The following GPHN variants were observed in gnomAD, a reference collection of about 807,000 sequenced individuals.
The protein encoded by GPHN is gephyrin.
GPHN carries 17 observed loss-of-function variants against 95.5 expected under a neutral mutation model. That is an observed-to-expected ratio of 0.18 (90% CI 0.12 to 0.27). The LOEUF is 0.27. Among genes scored for constraint, GPHN ranks in the 10% least tolerant of loss-of-function variants. The pLI is 1.00. For missense variants in GPHN, 660 were observed against 978.1 expected (o/e 0.67, Z 4.34); for synonymous variants, 320 against 322.5 (o/e 0.99, Z 0.08).
chr14:67,501,478 C>T, the GPHN span, among the ~76,000 whole-genome samples: 1 of 152,196 alleles, frequency 6.6e-6, no homozygotes, highest in Admixed American at 6.5e-5. Context: ...GATCCTCCCA[C>T]ATCAGCCTCC....
the GPHN span, chr14:67,674,786 C>T: frequency 1.1e-5 from 3 of 276,258 alleles, no homozygotes; most frequent in Non-Finnish European, 2.0e-5. Flanking sequence ...GTCGCGGAAC[C>T]CGAGAAGTGC....
chr14:67,648,533 T>G, the GPHN span: 3 of 169,692 alleles, frequency 1.8e-5, no homozygotes, highest in East Asian at 5.0e-4. Context: ...GGCTGTAATT[T>G]GCACTCTAAG....
intron 9 of GPHN, among the ~76,000 whole-genome samples, chr14:67,022,663 A>C (rs1388900219): frequency 7.3e-6 from 1 of 136,910 alleles, no homozygotes; most frequent in African/African-American, 2.8e-5. Flanking sequence ...AAACATTAAC[A>C]ATTGTTTTTT....
At chr14:66,545,987 G>A (rs191685590) in intron 1 of GPHN, among the ~76,000 whole-genome samples, 1,978 of 151,020 alleles carry the variant, frequency 0.013, 22 homozygotes, top group Non-Finnish European at 0.02. Context: ...GGCGGCTTCG[G>A]GGGGGAGGGG....
intron 9 of GPHN, among the ~76,000 whole-genome samples, chr14:66,979,721 T>A (rs1438466064): frequency 2.0e-5 from 3 of 152,216 alleles, no homozygotes; most frequent in Non-Finnish European, 4.4e-5. Context: ...TTCCTTTGCA[T>A]TTACAACTCA....
chr14:67,008,372 C>G (rs2072748610), intron 9 of GPHN, among the ~76,000 whole-genome samples: 1 of 151,558 alleles, frequency 6.6e-6, no homozygotes, highest in African/African-American at 2.4e-5. Context: ...AGGAGAATTG[C>G]TTGAACCCGG....
At chr14:67,178,807 TAAC>T (rs957543380) in intron 21 of GPHN, among the ~76,000 whole-genome samples, 3 of 151,760 alleles carry the variant, frequency 2.0e-5, no homozygotes, top group African/African-American at 7.3e-5. Flanking sequence ...AGAATTATAA[TAAC>T]AGCAAAAGAA....
At chr14:66,762,014 C>A (rs748746843) in intron 2 of GPHN, among the ~76,000 whole-genome samples, 8 of 152,008 alleles carry the variant, frequency 5.3e-5, no homozygotes, top group Non-Finnish European at 7.4e-5. Flanking sequence ...GCAGAGGAAT[C>A]CCAGTGCCTT....
chr14:66,571,071 C>T (rs2060669829), intron 1 of GPHN, among the ~76,000 whole-genome samples: 2 of 151,986 alleles, frequency 1.3e-5, no homozygotes, highest in Non-Finnish European at 2.9e-5. Flanking sequence ...AAAGAAATAC[C>T]CAAGACTAGG....
intron 1 of GPHN, among the ~76,000 whole-genome samples, chr14:66,578,660 A>G (rs1169111238): frequency 6.7e-6 from 1 of 150,326 alleles, no homozygotes; most frequent in Non-Finnish European, 1.5e-5. Context: ...GAGTGAAAAA[A>G]AAAAAAAAAA....
At chr14:66,952,729 C>T (rs1772610146) in intron 8 of GPHN, among the ~76,000 whole-genome samples, 1 of 152,130 alleles carries the variant, frequency 6.6e-6, no homozygotes, top group African/African-American at 2.4e-5. Flanking sequence ...GAGTCTCGCA[C>T]TATCGCCCAG....
the GPHN span, among the ~76,000 whole-genome samples, chr14:67,282,043 A>C: frequency 3.3e-4 from 51 of 152,314 alleles, 3 homozygotes; most frequent in Admixed American, 3.1e-3. Context: ...ATGTATTTTG[A>C]GAAATAAATG....
the GPHN span, among the ~76,000 whole-genome samples, chr14:67,212,782 A>G: frequency 6.6e-6 from 1 of 151,718 alleles, no homozygotes; most frequent in Non-Finnish European, 1.5e-5. Flanking sequence ...GCCAAGGGAA[A>G]CAAAGGAAAA....
chr14:67,271,009 G>A, the GPHN span: 2 of 152,166 alleles, frequency 1.3e-5, no homozygotes, highest in Non-Finnish European at 2.9e-5. Flanking sequence ...TCATGCAGGT[G>A]CGTAGTAAAA....
the GPHN span, among the ~76,000 whole-genome samples, chr14:67,708,232 A>C: frequency 1.3e-5 from 2 of 152,222 alleles, no homozygotes; most frequent in African/African-American, 4.8e-5. Flanking sequence ...AACAAAAAAA[A>C]GGATCAGCAA....
chr14:66,931,915 A>G (rs1462961082), intron 8 of GPHN, among the ~76,000 whole-genome samples: 1 of 152,206 alleles, frequency 6.6e-6, no homozygotes, highest in Non-Finnish European at 1.5e-5. Flanking sequence ...GATGGTCTTC[A>G]TGCTTGTGGC....
At chr14:66,592,397 C>A (rs13084239) in intron 1 of GPHN, among the ~76,000 whole-genome samples, 1 of 151,500 alleles carries the variant, frequency 6.6e-6, no homozygotes, top group Non-Finnish European at 1.5e-5. Context: ...TTTTTGCAAT[C>A]CATCCATCTG....
At chr14:67,216,830 C>T in the GPHN span, among the ~76,000 whole-genome samples, 4 of 152,232 alleles carry the variant, frequency 2.6e-5, no homozygotes, top group African/African-American at 9.6e-5. Flanking sequence ...TGTGTCCTAA[C>T]ATATAGTCAA....
At chr14:66,965,467 A>G in intron 9 of GPHN, 142 bp downstream of exon 9, 1 of 798,310 alleles carries the variant, frequency 1.3e-6, no homozygotes, top group Non-Finnish European at 2.1e-6. Flanking sequence ...GATAGTTCCC[A>G]CCCATTGTGT....
Sources: gnomAD v4.1 joint callset for allele counts (sites outside exome capture counted in the v4.1 genomes callset) on GRCh38, gnomAD v4.1.1 for gene constraint, MANE v1.5 for transcripts, NCBI Gene and HGNC (gene_info 2026-07-23, HGNC 2026-07-21) for gene names.